ADAMTS18: variants seen among roughly 807,000 people sequenced by gnomAD.
ADAMTS18 encodes the protein A disintegrin and metalloproteinase with thrombospondin motifs 18.
In ADAMTS18, 157 loss-of-function variants were observed where a neutral mutation model predicts 165.9. The ratio of observed to expected loss-of-function variants is 0.95; its 90% confidence interval spans 0.83 to 1.08. The LOEUF is 1.08. Among genes scored for constraint, ADAMTS18 ranks in the 50% least tolerant of loss-of-function variants. The pLI is 0.00. For missense variants in ADAMTS18, 2,040 were observed against 1,534.0 expected (o/e 1.33, Z -5.51); for synonymous variants, 782 against 578.2 (o/e 1.35, Z -5.06).
At chr16:77,314,753 C>CTTATACATATATATATATATATAT (rs1555511655) in intron 16 of ADAMTS18, among the ~76,000 whole-genome samples, 1 of 36,902 alleles carries the variant, frequency 2.7e-5, no homozygotes, top group Non-Finnish European at 5.4e-5. Flanking sequence ...TCTCAGGTTT[C>CTTATACATATATATATATATATAT]ATATATATAT....
chr16:77,394,464 G>A lies in ADAMTS18; in HGVS notation c.496-26741C>T, dbSNP rs552586532. 9.9e-5 allele frequency among the ~76,000 whole-genome samples: 15 copies of A among 152,234 alleles called. No individual in the cohort carries two copies. The South Asian group carries it at 3.1e-3, about 32-fold the overall frequency. ...TCTAGTACCTGGTACACAGAAAAATGTTAGTTATTAGTGTTAATGGAGAAG... is the reference window on the plus strand; with the variant it reads ...TCTAGTACCTGGTACACAGAAAAATATTAGTTATTAGTGTTAATGGAGAAG... On this transcript the variant is annotated intron_variant, in intron 3 of 22. Transcript: ENST00000282849.
chr16:77,297,102 A>T (rs1173872931), intron 18 of ADAMTS18, among the ~76,000 whole-genome samples, 187 bp downstream of exon 18: 1 of 152,186 alleles, frequency 6.6e-6, no homozygotes, highest in Non-Finnish European at 1.5e-5. Flanking sequence ...TCAGCCTCCC[A>T]AGTAGCTAGG....
intron 6 of ADAMTS18, among the ~76,000 whole-genome samples, chr16:77,362,668 C>A (rs1016752580): frequency 1.4e-5 from 2 of 142,428 alleles, no homozygotes; most frequent in Admixed American, 7.1e-5. Context: ...AAGCGTCTGG[C>A]ACATCATAGA....
chr16:77,299,326 T>C (rs547737123), intron 17 of ADAMTS18, among the ~76,000 whole-genome samples: 11 of 152,380 alleles, frequency 7.2e-5, no homozygotes, highest in African/African-American at 2.6e-4. Flanking sequence ...AGCCCATTGC[T>C]TTTAAAATGG....
chr16:77,400,119 C>A (rs78763411), intron 3 of ADAMTS18, among the ~76,000 whole-genome samples: 1 of 152,290 alleles, frequency 6.6e-6, no homozygotes, highest in African/African-American at 2.4e-5. Context: ...ACTTGAAAAT[C>A]TACCCCCCAA....
chr16:77,369,243 A>T (rs949230721), intron 3 of ADAMTS18, among the ~76,000 whole-genome samples: 2 of 152,106 alleles, frequency 1.3e-5, no homozygotes, highest in African/African-American at 4.8e-5. Context: ...TTTTTTTCAT[A>T]GTCTAAGCTA....
chr16:77,389,394 T>C (rs1028780597), intron 3 of ADAMTS18, among the ~76,000 whole-genome samples: 18 of 152,306 alleles, frequency 1.2e-4, no homozygotes, highest in Admixed American at 8.5e-4. Context: ...AGGTTTTGTT[T>C]GTTACAGTTT....
At chr16:77,359,761 C>G (rs946591160) in intron 7 of ADAMTS18, among the ~76,000 whole-genome samples, 8 of 152,104 alleles carry the variant, frequency 5.3e-5, no homozygotes, top group African/African-American at 1.7e-4. Context: ...GTTTATCATT[C>G]AGGTCAGAGC....
At chr16:77,348,677 T>C (rs1216153684) in intron 10 of ADAMTS18, among the ~76,000 whole-genome samples, 1 of 152,152 alleles carries the variant, frequency 6.6e-6, no homozygotes, top group African/African-American at 2.4e-5. Flanking sequence ...TAACACTGAG[T>C]ATCTGATATG....
In ADAMTS18 at chr16:77,414,506, C is replaced by G. The variant is rs374618160; in HGVS notation, c.495+16789G>C. On this transcript the variant is annotated intron_variant, in intron 3 of 22. Coordinates refer to ENST00000282849, the MANE Select transcript of ADAMTS18 (RefSeq NM_199355.4). The stretch of plus-strand genomic sequence containing the variant: ...AAATATAATACCAACATAAATTTTC[C>G]CTATTTCTTTTTGCTTTATTTTTTC... Among the ~76,000 whole-genome samples the G allele has an allele frequency of 2.6e-5, 4 of 152,134 alleles. No homozygotes were observed. In the East Asian group the frequency reaches 5.8e-4, roughly 22 times the overall value.
chr16:77,337,381 C>A (rs1371899016), intron 11 of ADAMTS18, among the ~76,000 whole-genome samples: 1 of 152,196 alleles, frequency 6.6e-6, no homozygotes, highest in African/African-American at 2.4e-5. Context: ...AAAAATGATG[C>A]AGAGAGCTTC....
chr16:77,331,909 A>G (rs1244235431), intron 12 of ADAMTS18, among the ~76,000 whole-genome samples: 4 of 152,214 alleles, frequency 2.6e-5, no homozygotes, highest in Non-Finnish European at 5.9e-5. Flanking sequence ...ATTTTTATCT[A>G]ACTCAGACTG....
At chr16:77,364,721 A>T (rs903479661) in intron 4 of ADAMTS18, among the ~76,000 whole-genome samples, 1 of 142,992 alleles carries the variant, frequency 7.0e-6, no homozygotes, top group African/African-American at 2.7e-5. Context: ...AAAATGCTCT[A>T]AAAGGAAAAA....
At chr16:77,334,774 C>CTA (rs1306006606) in intron 12 of ADAMTS18, among the ~76,000 whole-genome samples, 3 of 101,414 alleles carry the variant, frequency 3.0e-5, no homozygotes, top group Non-Finnish European at 5.6e-5. Flanking sequence ...AGTATATATA[C>CTA]TATAGTATAC....
intron 3 of ADAMTS18, among the ~76,000 whole-genome samples, chr16:77,397,056 G>A (rs1280704835): frequency 6.6e-6 from 1 of 152,068 alleles, no homozygotes; most frequent in Non-Finnish European, 1.5e-5. Flanking sequence ...TGATCCACCT[G>A]CCTCAGCCTC....
At chr16:77,308,702 C>G (rs1476323590) in intron 16 of ADAMTS18, among the ~76,000 whole-genome samples, 1 of 152,048 alleles carries the variant, frequency 6.6e-6, no homozygotes, top group Non-Finnish European at 1.5e-5. Context: ...CCTTAAATTA[C>G]CTACACCTAA....
intron 12 of ADAMTS18, among the ~76,000 whole-genome samples, chr16:77,333,555 T>A (rs1444844990): frequency 6.7e-6 from 1 of 149,356 alleles, no homozygotes; most frequent in Admixed American, 6.7e-5. Flanking sequence ...CGGTGGTTCC[T>A]CAAAAAACTA....
chr16:77,364,448 A>G, intron 4 of ADAMTS18, 67 bp from the exon 5 acceptor site: 4 of 1,526,618 alleles, frequency 2.6e-6, no homozygotes, highest in Non-Finnish European at 3.6e-6. Flanking sequence ...GTTGAGAGAG[A>G]AACTGAAACA....
intron 16 of ADAMTS18, among the ~76,000 whole-genome samples, chr16:77,315,309 G>A (rs978856305): frequency 6.6e-6 from 1 of 152,180 alleles, no homozygotes; most frequent in Admixed American, 6.5e-5. Context: ...GGTCTCAAAT[G>A]TCATCAAGGG....
Sources: gnomAD v4.1 joint callset for allele counts (sites outside exome capture counted in the v4.1 genomes callset) on GRCh38, gnomAD v4.1.1 for gene constraint, MANE v1.5 for transcripts, NCBI Gene and HGNC (gene_info 2026-07-23, HGNC 2026-07-21) for gene names.